Variants in TXNDC11 observed in about 807,000 individuals in gnomAD.
TXNDC11 encodes the protein thioredoxin domain containing 11.
Under a neutral mutation model 78.0 loss-of-function variants are expected in TXNDC11, and 68 were observed. That is an observed-to-expected ratio of 0.87 (90% CI 0.72 to 1.07). The LOEUF (loss-of-function observed/expected upper bound fraction) is 1.07. Ranked by LOEUF, TXNDC11 falls within the 50% of genes least tolerant of loss-of-function variation. The pLI, the probability that TXNDC11 is intolerant of heterozygous loss-of-function variation, is 0.00. For synonymous variants in TXNDC11, 571 were observed against 495.2 expected (o/e 1.15, Z -2.03); for missense variants, 1,389 against 1,221.8 (o/e 1.14, Z -2.04).
At chr16:11,715,591 G>A (rs2051505759) in intron 5 of TXNDC11, among the ~76,000 whole-genome samples, 1 of 152,136 alleles carries the variant, frequency 6.6e-6, no homozygotes, top group Non-Finnish European at 1.5e-5. Context: ...TTAAAATCCC[G>A]TAGCTAAAAT....
chr16:11,726,579 CAAAA>C (rs35512803), intron 4 of TXNDC11, among the ~76,000 whole-genome samples: 2 of 82,996 alleles, frequency 2.4e-5, no homozygotes, highest in Non-Finnish European at 2.3e-5. Flanking sequence ...GACTCCACCT[CAAAA>C]AAAAAAAAAA....
intron 4 of TXNDC11, among the ~76,000 whole-genome samples, chr16:11,723,202 G>C (rs1305208916): frequency 6.6e-6 from 1 of 151,744 alleles, no homozygotes; most frequent in African/African-American, 2.4e-5. Context: ...AGGCTGCAGT[G>C]AGCTGAGATC....
intron 1 of TXNDC11, chr16:11,741,881 A>C (rs1048515208): frequency 1.3e-5 from 2 of 152,104 alleles, no homozygotes; most frequent in Non-Finnish European, 2.9e-5. Flanking sequence ...AAAAATACAA[A>C]AATTAGCCAG....
intron 11 of TXNDC11, among the ~76,000 whole-genome samples, chr16:11,682,056 T>C (rs968004578): frequency 2.0e-5 from 3 of 152,250 alleles, no homozygotes; most frequent in Non-Finnish European, 4.4e-5. Flanking sequence ...TTATATTTTA[T>C]CACAGTAAAT....
intron 1 of TXNDC11, among the ~76,000 whole-genome samples, chr16:11,737,200 C>T (rs992769782): frequency 6.6e-6 from 1 of 152,078 alleles, no homozygotes; most frequent in African/African-American, 2.4e-5. Context: ...AATTCCAGCA[C>T]TTTGGGAGGC....
intron 5 of TXNDC11, among the ~76,000 whole-genome samples, chr16:11,706,502 T>C (rs1318483097): frequency 6.6e-6 from 1 of 152,256 alleles, no homozygotes; most frequent in Non-Finnish European, 1.5e-5. Context: ...GCTAATATTG[T>C]TTGCTGTGCT....
chr16:11,723,564 A>C (rs1340096716), intron 4 of TXNDC11, among the ~76,000 whole-genome samples: 1 of 152,114 alleles, frequency 6.6e-6, no homozygotes, highest in East Asian at 1.9e-4. Flanking sequence ...CAGCCTGGGC[A>C]AAAGGGCAAG....
rs572841339 is a variant in TXNDC11 at position 11,682,364 on chromosome 16, T to C, written c.2234+1801A>G. On this transcript the variant is annotated intron_variant, in intron 11 of 11. Coordinates refer to ENST00000283033, the MANE Select transcript of TXNDC11 (RefSeq NM_015914.7). The stretch of plus-strand genomic sequence containing the variant: ...AGAGAAGTGGACAGTCTTCTTATGT[T>C]CGATATTTAGAAACGACAAGGGTAA... Among the ~76,000 whole-genome samples the C allele has an allele frequency of 4.1e-4, 63 of 152,330 alleles. 1 individual carries two copies. Among genetic ancestry groups the C allele is most frequent in the African/African-American group, 1.5e-3 (63 of 41,574 alleles).
At chr16:11,683,153 G>A (rs779466920) in intron 11 of TXNDC11, among the ~76,000 whole-genome samples, 1 of 152,144 alleles carries the variant, frequency 6.6e-6, no homozygotes, top group Non-Finnish European at 1.5e-5. Flanking sequence ...GGCTCTAAAG[G>A]ACCAAGAGTT....
intron 1 of TXNDC11, chr16:11,742,056 A>G: frequency 5.8e-6 from 1 of 173,052 alleles, no homozygotes; most frequent in South Asian, 1.9e-4. Context: ...CGTTAGATCA[A>G]TGAGTGCGGG....
chr16:11,709,465 C>T (rs1246342588), intron 5 of TXNDC11, among the ~76,000 whole-genome samples: 12 of 119,944 alleles, frequency 1.0e-4, no homozygotes, highest in Admixed American at 4.3e-4. Context: ...GACGGAGTCT[C>T]GCTCTGTTGC....
At chr16:11,722,455 A>G (rs1334402329) in intron 4 of TXNDC11, among the ~76,000 whole-genome samples, 1 of 152,208 alleles carries the variant, frequency 6.6e-6, no homozygotes, top group Non-Finnish European at 1.5e-5. Flanking sequence ...GCACTCATTC[A>G]GTCAGGTTTT....
chr16:11,688,522 T>C (rs1037134986), intron 8 of TXNDC11, 77 bp from the exon 9 acceptor site: 139 of 1,234,726 alleles, frequency 1.1e-4, no homozygotes, highest in Non-Finnish European at 1.5e-4. Context: ...AAACTCCACA[T>C]TTTAAAAACT....
rs1358154966 is a variant in TXNDC11 at position 11,679,223 on chromosome 16, T to G, written c.2849A>C (p.Glu950Ala). Reference protein sequence around the residue: ...PANVSATLVSERNKENRTD With the variant: ...PANVSATLVSARNKENRTD ...GTCTGTCCTGTTCTCCTTATTCCTT[T>G]CAGACACCAGTGTGGCGCTGACATT... The change falls in exon 12 of 12, where the codon GAA becomes GCA. Residue 950 changes from glutamate (E) to alanine (A), a missense_variant. Glu to Ala is a moderately radical substitution (Grantham distance 107). Coordinates refer to ENST00000283033, the MANE Select transcript of TXNDC11 (RefSeq NM_015914.7). This position sits in a 1 kb window ranked among gnomAD's most constrained non-coding sequence, Gnocchi z 4.6. 8.1e-6 allele frequency: 13 copies of G among 1,613,882 alleles called. No individual in the cohort carries two copies. The highest frequency in any genetic ancestry group is 1.1e-5 in the Non-Finnish European group (13 of 1,180,016).
At chr16:11,720,788 C>G (rs1022285886) in intron 5 of TXNDC11, among the ~76,000 whole-genome samples, 17 of 151,416 alleles carry the variant, frequency 1.1e-4, no homozygotes, top group African/African-American at 3.9e-4. Context: ...GGCTGGAGTG[C>G]AGTGGTGCAG....
chr16:11,726,801 T>A (rs1193765742), intron 4 of TXNDC11, among the ~76,000 whole-genome samples: 3 of 152,276 alleles, frequency 2.0e-5, no homozygotes, highest in Non-Finnish European at 4.4e-5. Context: ...ACACCTGTAA[T>A]CCTAGCATTT....
At chr16:11,702,131 C>T (rs1298660614) in intron 5 of TXNDC11, among the ~76,000 whole-genome samples, 2 of 150,446 alleles carry the variant, frequency 1.3e-5, no homozygotes, top group Non-Finnish European at 2.9e-5. Context: ...CCCCTACAGG[C>T]ACATATGTTT....
At position 11,679,276 on chromosome 16, in the gene TXNDC11, C is replaced by T; in HGVS notation, c.2796G>A (p.Gln932=). The T allele has an allele frequency of 6.2e-7, 1 of 1,612,930 alleles. No individual in the cohort carries two copies. The highest frequency in any genetic ancestry group is 8.5e-7 in the Non-Finnish European group (1 of 1,179,964). ...PKQPEPSATP[Q]LPGSSPPPAN... ...CAGGTGGAGGGGAGCTGCCAGGGAG[C>T]TGGGGGGTGGCTGAGGGCTCAGGCT... The change falls in exon 12 of 12, where the codon CAG becomes CAA. Residue 932 remains glutamine, a synonymous_variant. Coordinates refer to ENST00000283033, the MANE Select transcript of TXNDC11 (RefSeq NM_015914.7). This position sits in a 1 kb window ranked among gnomAD's most constrained non-coding sequence, Gnocchi z 4.6.
At position 11,742,746 on chromosome 16, in the gene TXNDC11, G is replaced by A; in HGVS notation, c.-16C>T. 1.4e-6 allele frequency: 2 copies of A among 1,458,190 alleles called. No homozygotes were observed. Among genetic ancestry groups the A allele is most frequent in the Non-Finnish European group, 1.8e-6 (2 of 1,113,800 alleles). 90.3% of individuals were successfully genotyped at this position (1,458,190 alleles called of 1,614,324 possible). ...ATTCCGACATTACATGCTCCCAGTC[G>A]CCGGCTTTATACCGCCGCCGCCGCC... On this transcript the variant is annotated 5_prime_UTR_variant, in exon 1 of 12. Coordinates refer to ENST00000283033, the MANE Select transcript of TXNDC11 (RefSeq NM_015914.7).
Sources: gnomAD v4.1 joint callset for allele counts (sites outside exome capture counted in the v4.1 genomes callset) on GRCh38, gnomAD v4.1.1 for gene constraint, Gnocchi (gnomAD v3.1) non-coding constraint, MANE v1.5 for transcripts, NCBI Gene and HGNC (gene_info 2026-07-23, HGNC 2026-07-21) for gene names.